ATP2A2: variants seen among roughly 807,000 people sequenced by gnomAD.
The protein encoded by ATP2A2 is sarcoplasmic/endoplasmic reticulum calcium ATPase 2.
In ATP2A2, 14 loss-of-function variants were observed where a neutral mutation model predicts 109.3. The observed-to-expected ratio is 0.13, with a 90% CI of 0.08 to 0.20. The LOEUF (loss-of-function observed/expected upper bound fraction) is 0.20. ATP2A2 is among the 10% of genes least tolerant of loss of function. The pLI is 1.00. For synonymous variants in ATP2A2, 506 were observed against 490.9 expected (o/e 1.03, Z -0.41); for missense variants, 657 against 1,321.6 (o/e 0.50, Z 7.80).
chr12:110,292,223 TAA>T, intron 4 of ATP2A2, 99 bp downstream of exon 4: 2 of 899,674 alleles, frequency 2.2e-6, no homozygotes, highest in Non-Finnish European at 3.6e-6. Flanking sequence ...ATGTGTTGAG[TAA>T]AAATATGTTT....
At chr12:110,305,937 T>A (rs1166888030) in intron 5 of ATP2A2, among the ~76,000 whole-genome samples, 1 of 151,930 alleles carries the variant, frequency 6.6e-6, no homozygotes, top group Non-Finnish European at 1.5e-5. Context: ...AGTGTTCAAG[T>A]CTTGTGCTTC....
rs756068136 is a variant in ATP2A2, at chr12:110,339,663, A to G, written c.1703A>G (p.Asn568Ser). Residue 568 changes from asparagine to serine, a missense_variant, in exon 13 of 20, where the codon AAC becomes AGC. By Grantham distance (46) the Asn-to-Ser change is conservative. This residue lies in a region of ATP2A2 where 180 missense variants were observed against 329.1 expected (regional missense o/e 0.55). Transcript: ENST00000539276. The surrounding 1 kb of genome is among the most constrained non-coding windows in gnomAD (Gnocchi z 4.4). ...TGCCTGGCCCTGGCCACTCATGACA[A>G]CCCACTGAGAAGAGAAGAAATGCAC... ...LRCLALATHD[N>S]PLRREEMHLE... 2.5e-6 allele frequency: 4 copies of G among 1,614,158 alleles called. No homozygotes were observed. In the Admixed American group the frequency reaches 5.0e-5, roughly 20 times the overall value.
At position 110,323,088 on chromosome 12, in the gene ATP2A2, T is replaced by C; in HGVS notation, c.544+16T>C. 6.3e-7 allele frequency: 1 copy of C among 1,580,888 alleles called. No individual in the cohort carries two copies. The highest frequency in any genetic ancestry group is 1.1e-5 in the South Asian group (1 of 90,374). Reference sequence around the variant, plus strand: ...ATTCTCACAGGTAAATATGATATATTAAGTCATTGAATTTCTGAAGACCTT... The same window carrying C: ...ATTCTCACAGGTAAATATGATATATCAAGTCATTGAATTTCTGAAGACCTT... On this transcript the variant is annotated intron_variant, in intron 6 of 19. Transcript: ENST00000539276.
chr12:110,333,916 G>A lies in ATP2A2; in HGVS notation c.1288-96G>A, dbSNP rs1878582338. On this transcript the variant is annotated intron_variant, in intron 10 of 19. Coordinates refer to ENST00000539276, the MANE Select transcript of ATP2A2 (RefSeq NM_170665.4). Reference sequence around the variant, plus strand: ...AATGGCCTTACAGTGTTGTAATAGAGGACAGATTGTGCTTTTGTGGAAAAA... The same window carrying A: ...AATGGCCTTACAGTGTTGTAATAGAAGACAGATTGTGCTTTTGTGGAAAAA... 6 of 1,549,434 alleles carry A rather than the reference G, an allele frequency of 3.9e-6. No individual in the cohort carries two copies. In the Admixed American group the frequency reaches 8.4e-5, roughly 22 times the overall value.
chr12:110,342,192 C>G lies in ATP2A2; in HGVS notation c.2098-36C>G. The G allele has an allele frequency of 6.2e-7, 1 of 1,610,894 alleles. No individual in the cohort carries two copies. The highest frequency in any genetic ancestry group is 1.3e-5 in the African/African-American group (1 of 74,982). On this transcript the variant is annotated intron_variant, in intron 14 of 19. Coordinates refer to ENST00000539276, the MANE Select transcript of ATP2A2 (RefSeq NM_170665.4). This position sits in a 1 kb window ranked among gnomAD's most constrained non-coding sequence, Gnocchi z 4.6. Reference sequence around the variant, plus strand: ...TGCCTAGGGGTATGAATGTGGCATGCCAGTTGGCTGACCCAACCATTGCTT... The same window carrying G: ...TGCCTAGGGGTATGAATGTGGCATGGCAGTTGGCTGACCCAACCATTGCTT...
intron 3 of ATP2A2, among the ~76,000 whole-genome samples, chr12:110,289,817 A>G (rs1421561775): frequency 6.6e-6 from 1 of 152,206 alleles, no homozygotes; most frequent in Non-Finnish European, 1.5e-5. Context: ...TTCCACAAAA[A>G]GAGGTTTTTA....
At position 110,348,922 on chromosome 12, in the gene ATP2A2, T is replaced by G. The variant is rs1200749887; in HGVS notation, c.*2452T>G. ...TGACTTGAGTGCTGCACTATTGCTA[T>G]TCCGTGCAAACAAAACTCAGCTTTT... On this transcript the variant is annotated 3_prime_UTR_variant, in exon 20 of 20. Coordinates refer to ENST00000539276, the MANE Select transcript of ATP2A2 (RefSeq NM_170665.4). 9.1e-6 allele frequency: 9 copies of G among 985,334 alleles called. No homozygotes were observed. Among genetic ancestry groups the G allele is most frequent in the Non-Finnish European group, 1.1e-5 (9 of 829,954 alleles). The allele number at this position is 985,334 out of a possible 1,614,324, so 61.0% of individuals were successfully genotyped here.
At chr12:110,320,074 A>G (rs1275664565) in intron 5 of ATP2A2, among the ~76,000 whole-genome samples, 2 of 152,186 alleles carry the variant, frequency 1.3e-5, no homozygotes, top group African/African-American at 4.8e-5. Flanking sequence ...TTACCCAGGA[A>G]ATTTAACCTT....
chr12:110,315,011 C>T lies in ATP2A2; in HGVS notation c.464-7981C>T, dbSNP rs182805757. On this transcript the variant is annotated intron_variant, in intron 5 of 19. Transcript: ENST00000539276. ...CCTCCCAAGTAGCTGGGACCACAGGCACCCGCCACCATGCCCGGCTAATTT... is the reference window on the plus strand; with the variant it reads ...CCTCCCAAGTAGCTGGGACCACAGGTACCCGCCACCATGCCCGGCTAATTT... Among the ~76,000 whole-genome samples the T allele has an allele frequency of 6.9e-3, 1,044 of 152,128 alleles. 1 individual carries two copies. Among genetic ancestry groups the T allele is most frequent in the Non-Finnish European group, 9.4e-3 (642 of 67,986 alleles).
intron 8 of ATP2A2, among the ~76,000 whole-genome samples, chr12:110,328,996 G>A (rs933886156): frequency 3.3e-5 from 5 of 152,172 alleles, no homozygotes; most frequent in African/African-American, 9.7e-5. Flanking sequence ...AATGAAGCGT[G>A]CTTTTTCTCA....
intron 3 of ATP2A2, among the ~76,000 whole-genome samples, chr12:110,290,487 G>A (rs530539245): frequency 9.2e-5 from 14 of 152,264 alleles, no homozygotes; most frequent in Admixed American, 2.6e-4. Flanking sequence ...ATCAAGAATT[G>A]AAGTTTTATT....
At chr12:110,291,082 A>C (rs530766821) in intron 3 of ATP2A2, among the ~76,000 whole-genome samples, 1 of 151,126 alleles carries the variant, frequency 6.6e-6, no homozygotes, top group East Asian at 2.0e-4. Context: ...CTAATTTTGT[A>C]ATTTTAGTAG....
intron 5 of ATP2A2, among the ~76,000 whole-genome samples, chr12:110,316,834 T>C (rs1295920578): frequency 2.6e-5 from 4 of 152,138 alleles, no homozygotes; most frequent in African/African-American, 9.7e-5. Context: ...GAGCATAGTG[T>C]GTGATGCTCA....
rs1592868979 is a variant in ATP2A2, at chr12:110,346,130, G to C, written c.2859+12G>C. 6.2e-7 allele frequency: 1 copy of C among 1,614,168 alleles called. No individual in the cohort carries two copies. The highest frequency in any genetic ancestry group is 1.1e-5 in the South Asian group (1 of 91,090). ...TCGAACCCTTGCCAGTAAGTGGTTG[G>C]GTGGGGCTTGGGACCAGCCACCTCC... is the stretch of plus-strand genomic sequence containing the variant. On this transcript the variant is annotated intron_variant, in intron 19 of 19. Coordinates refer to ENST00000539276, the MANE Select transcript of ATP2A2 (RefSeq NM_170665.4).
At position 110,339,834 on chromosome 12, in the gene ATP2A2, G is replaced by A; in HGVS notation, c.1761+113G>A. 8.3e-7 allele frequency: 1 copy of A among 1,208,746 alleles called. No individual in the cohort carries two copies. 74.9% of individuals were successfully genotyped at this position (1,208,746 alleles called of 1,614,324 possible). ...CTCACTTTTGCCAAGAAAGAGGTGT[G>A]GTTATTTGTTTTTCTGCCTGCCAGC... On this transcript the variant is annotated intron_variant, in intron 13 of 19. Coordinates refer to ENST00000539276, the MANE Select transcript of ATP2A2 (RefSeq NM_170665.4). This position sits in a 1 kb window ranked among gnomAD's most constrained non-coding sequence, Gnocchi z 4.4.
At chr12:110,304,835 A>G (rs968237509) in intron 5 of ATP2A2, among the ~76,000 whole-genome samples, 1 of 152,206 alleles carries the variant, frequency 6.6e-6, no homozygotes, top group African/African-American at 2.4e-5. Flanking sequence ...TGAAGGTCAC[A>G]AAGACTTTAT....
intron 5 of ATP2A2, among the ~76,000 whole-genome samples, chr12:110,301,470 C>T (rs992720507): frequency 2.6e-5 from 4 of 152,086 alleles, no homozygotes; most frequent in African/African-American, 9.7e-5. Flanking sequence ...GATTTTTTCC[C>T]CCCTCTTATC....
intron 14 of ATP2A2, among the ~76,000 whole-genome samples, chr12:110,341,357 G>A (rs1313190745): frequency 2.0e-5 from 3 of 152,032 alleles, no homozygotes; most frequent in Non-Finnish European, 4.4e-5. Context: ...GGCTATTGAT[G>A]AAGCATTTCC....
chr12:110,315,944 T>C (rs1254974207), intron 5 of ATP2A2, among the ~76,000 whole-genome samples: 4 of 151,414 alleles, frequency 2.6e-5, no homozygotes, highest in Admixed American at 2.0e-4. Flanking sequence ...AAAATTAGCT[T>C]GGTGTGGTGG....
Sources: allele counts gnomAD v4.1 joint callset (sites outside exome capture counted in the v4.1 genomes callset), GRCh38; gene constraint gnomAD v4.1.1; regional missense constraint gnomAD v4.1.1; non-coding constraint Gnocchi (gnomAD v3.1); transcripts MANE v1.5; gene names NCBI Gene and HGNC (gene_info 2026-07-23, HGNC 2026-07-21).